The following TENM3 variants were observed in gnomAD, a reference collection of about 807,000 sequenced individuals.
TENM3 encodes teneurin-3.
Under a neutral mutation model 255.1 loss-of-function variants are expected in TENM3, and 63 were observed. The observed-to-expected ratio is 0.25, with a 90% CI of 0.20 to 0.30. TENM3 has a LOEUF of 0.30. Ranked by LOEUF, TENM3 falls within the 10% of genes least tolerant of loss-of-function variation. The pLI is 1.00. For missense variants in TENM3, 2,929 were observed against 3,461.1 expected (o/e 0.85, Z 3.86); for synonymous variants, 1,306 against 1,322.3 (o/e 0.99, Z 0.27).
chr4:182,249,330 T>G (rs1192453200), intron 1 of TENM3, among the ~76,000 whole-genome samples: 1 of 152,246 alleles, frequency 6.6e-6, no homozygotes, highest in Non-Finnish European at 1.5e-5. Flanking sequence ...AGTAAGCTTT[T>G]GCTGAGTTAA....
the TENM3 span, among the ~76,000 whole-genome samples, chr4:181,861,909 C>T: frequency 2.0e-5 from 3 of 152,086 alleles, no homozygotes; most frequent in Non-Finnish European, 4.4e-5. Flanking sequence ...CAAGATAACT[C>T]ATTTGTGGAA....
intron 3 of TENM3, among the ~76,000 whole-genome samples, chr4:182,515,799 G>C (rs1737877237): frequency 6.6e-6 from 1 of 152,144 alleles, no homozygotes; most frequent in Non-Finnish European, 1.5e-5. Flanking sequence ...AGTTTGTGAT[G>C]TCTGTGATAC....
chr4:181,785,043 G>A, the TENM3 span, among the ~76,000 whole-genome samples: 1 of 152,116 alleles, frequency 6.6e-6, no homozygotes, highest in African/African-American at 2.4e-5. Context: ...TGGGAATGCA[G>A]GAAGGGTGTG....
At chr4:181,839,380 T>TACAC in the TENM3 span, among the ~76,000 whole-genome samples, 17 of 39,444 alleles carry the variant, frequency 4.3e-4, no homozygotes, top group East Asian at 4.0e-3. Context: ...TATATATATA[T>TACAC]ATATACACCT....
At chr4:182,471,464 A>G (rs2151453812) in intron 3 of TENM3, among the ~76,000 whole-genome samples, 2 of 152,320 alleles carry the variant, frequency 1.3e-5, no homozygotes, top group South Asian at 4.1e-4. Flanking sequence ...GCAAACCTGT[A>G]CAGCAGAGTA....
At chr4:182,386,571 G>A (rs529310565) in intron 3 of TENM3, among the ~76,000 whole-genome samples, 3 of 152,186 alleles carry the variant, frequency 2.0e-5, no homozygotes, top group Non-Finnish European at 4.4e-5. Flanking sequence ...GGAGAGGCGC[G>A]AGCAGGAACT....
Position 182,791,858 on chromosome 4 carries a change from G to T in TENM3, c.5602-416G>T, listed in dbSNP as rs115031885. On this transcript the variant is annotated intron_variant, in intron 25 of 27. Transcript: ENST00000511685. ...TTGAGTGGTTCTTCACTCAGATGAG[G>T]GGGGGAAAGCCACCTTACTAAATAA... Among the ~76,000 whole-genome samples, 730 of 152,198 alleles carry T rather than the reference G, an allele frequency of 4.8e-3. 5 individuals are homozygous for T. Among genetic ancestry groups the T allele is most frequent in the African/African-American group, 0.017 (698 of 41,516 alleles).
chr4:182,081,776 G>C, the TENM3 span: 3 of 151,960 alleles, frequency 2.0e-5, no homozygotes, highest in Non-Finnish European at 4.4e-5. Flanking sequence ...TAAGTGACTT[G>C]GCTCCCCGTA....
At chr4:181,977,016 C>T in the TENM3 span, among the ~76,000 whole-genome samples, 14 of 152,166 alleles carry the variant, frequency 9.2e-5, no homozygotes, top group African/African-American at 1.4e-4. Flanking sequence ...AAAGAGAATG[C>T]ACCCCTCCTT....
intron 1 of TENM3, among the ~76,000 whole-genome samples, chr4:182,191,879 C>A (rs1299024443): frequency 6.6e-6 from 1 of 152,136 alleles, no homozygotes; most frequent in Non-Finnish European, 1.5e-5. Context: ...TTTGCATCCC[C>A]AGTTGGTTAC....
At chr4:182,121,189 G>T in the TENM3 span, among the ~76,000 whole-genome samples, 1 of 151,856 alleles carries the variant, frequency 6.6e-6, no homozygotes, top group East Asian at 1.9e-4. Context: ...GTGGAGACGG[G>T]TTTTCACCAT....
At chr4:182,542,749 A>G (rs1464095370) in intron 3 of TENM3, among the ~76,000 whole-genome samples, 1 of 152,164 alleles carries the variant, frequency 6.6e-6, no homozygotes, top group African/African-American at 2.4e-5. Flanking sequence ...ACTTTCTTAC[A>G]AAGTCAGTGA....
chr4:181,964,874 G>C, the TENM3 span, among the ~76,000 whole-genome samples: 1 of 152,138 alleles, frequency 6.6e-6, no homozygotes, highest in East Asian at 1.9e-4. Flanking sequence ...TGAGTTCCAG[G>C]AGTGTCTATT....
chr4:182,651,399 T>G (rs891078324), intron 5 of TENM3, among the ~76,000 whole-genome samples: 1 of 152,014 alleles, frequency 6.6e-6, no homozygotes, highest in Admixed American at 6.6e-5. Context: ...TCCGTGAAAA[T>G]CAGAGTTTAG....
At chr4:181,997,633 T>G in the TENM3 span, among the ~76,000 whole-genome samples, 32,911 of 152,066 alleles carry the variant, frequency 0.22, 3,708 homozygotes, top group Admixed American at 0.26. Flanking sequence ...TGATAGAATG[T>G]GTCGCTGAGA....
intron 2 of TENM3, among the ~76,000 whole-genome samples, chr4:182,343,220 T>C (rs1764595218): frequency 6.6e-6 from 1 of 152,184 alleles, no homozygotes; most frequent in Non-Finnish European, 1.5e-5. Flanking sequence ...TCACAGTGAA[T>C]TCCATCCTCA....
At chr4:182,160,250 C>T (rs1751047969) in intron 1 of TENM3, among the ~76,000 whole-genome samples, 3 of 152,006 alleles carry the variant, frequency 2.0e-5, no homozygotes, top group South Asian at 2.1e-4. Flanking sequence ...GATCCGCCCG[C>T]CTCGGCCTCC....
At chr4:182,118,656 G>A in the TENM3 span, among the ~76,000 whole-genome samples, 1 of 151,726 alleles carries the variant, frequency 6.6e-6, no homozygotes, top group Non-Finnish European at 1.5e-5. Flanking sequence ...TTACTGAGAG[G>A]TTTTCATTAT....
chr4:181,979,105 T>C, the TENM3 span, among the ~76,000 whole-genome samples: 1 of 8,234 alleles, frequency 1.2e-4, no homozygotes, highest in Non-Finnish European at 2.7e-4. Context: ...GACATATATA[T>C]ATATATATAT....
Sources: gnomAD v4.1 joint callset for allele counts (sites outside exome capture counted in the v4.1 genomes callset) on GRCh38, gnomAD v4.1.1 for gene constraint, MANE v1.5 for transcripts, NCBI Gene and HGNC (gene_info 2026-07-23, HGNC 2026-07-21) for gene names.